Variants in GRIP1 observed in about 807,000 individuals in gnomAD.
GRIP1 encodes the protein glutamate receptor-interacting protein 1.
In GRIP1, 45 loss-of-function variants were observed where a neutral mutation model predicts 129.9. The observed-to-expected ratio is 0.35, with a 90% confidence interval of 0.27 to 0.44. The LOEUF is 0.44. Among genes scored for constraint, GRIP1 ranks in the 20% least tolerant of loss-of-function variants. The probability of loss-of-function intolerance (pLI) is 1.00; values close to 1 mark genes in which losing one functional copy is unlikely to be tolerated. For missense variants in GRIP1, 1,196 were observed against 1,396.8 expected (o/e 0.86, Z 2.29); for synonymous variants, 530 against 520.8 (o/e 1.02, Z -0.24).
rs763270862 is a variant in GRIP1 at position 66,678,900 on chromosome 12, A to G, written c.5T>C (p.Ile2Thr). 7.4e-6 allele frequency: 12 copies of G among 1,613,506 alleles called. No homozygotes were observed. The highest frequency in any genetic ancestry group is 1.0e-5 in the Non-Finnish European group (12 of 1,179,620). Residue 2 changes from isoleucine (I) to threonine (T), a missense_variant, in exon 1 of 25, where the codon ATA (isoleucine) becomes ACA (threonine). Physicochemically the swap from Ile to Thr is moderately conservative, Grantham distance 89. Coordinates refer to ENST00000359742, the MANE Select transcript of GRIP1 (RefSeq NM_001366722.1). The stretch of plus-strand genomic sequence containing the variant: ...ACAACGGCATTTAAAAGAGACAGCT[A>G]TCATTCTTGCTCACTGCTTTCTGTG... M[I>T]AVSFKCRCQI...
intron 20 of GRIP1, 28 bp from the exon 21 acceptor site, chr12:66,377,313 A>C (rs2137351336): frequency 7.2e-7 from 1 of 1,389,234 alleles, no homozygotes; most frequent in Non-Finnish European, 1.0e-6. Flanking sequence ...AGGCTGGGTT[A>C]GGAACTTGCC....
chr12:67,031,513 T>A (rs2043021974), intron 1 of GRIP1, among the ~76,000 whole-genome samples: 1 of 152,144 alleles, frequency 6.6e-6, no homozygotes, highest in South Asian at 2.1e-4. Flanking sequence ...ATATCTGTAA[T>A]CCTTATCACT....
intron 1 of GRIP1, among the ~76,000 whole-genome samples, chr12:66,601,464 C>A (rs1297683113): frequency 6.6e-6 from 1 of 152,160 alleles, no homozygotes; most frequent in Non-Finnish European, 1.5e-5. Context: ...ACTCTCATTT[C>A]TCACTCTGGG....
chr12:66,775,918 T>C (rs975202620), intron 1 of GRIP1, among the ~76,000 whole-genome samples: 7 of 152,168 alleles, frequency 4.6e-5, no homozygotes, highest in Admixed American at 2.0e-4. Flanking sequence ...TTAATATGCT[T>C]ATGTGCAAGG....
chr12:67,035,711 T>C (rs769721237), intron 1 of GRIP1: 4 of 152,140 alleles, frequency 2.6e-5, no homozygotes, highest in Non-Finnish European at 4.4e-5. Flanking sequence ...AGAGAGAGAA[T>C]AAATTAGATT....
chr12:66,941,135 A>G (rs914167495), intron 1 of GRIP1, among the ~76,000 whole-genome samples: 9 of 151,934 alleles, frequency 5.9e-5, no homozygotes, highest in Admixed American at 3.3e-4. Context: ...AACACGTTCA[A>G]TGAGACTGTA....
upstream of GRIP1, among the ~76,000 whole-genome samples, chr12:66,682,065 C>A (rs1044408284): frequency 5.9e-5 from 9 of 152,134 alleles, no homozygotes; most frequent in Non-Finnish European, 5.9e-5. Context: ...CAGGAAAGAA[C>A]CATAGCTTCT....
At chr12:66,720,108 G>C (rs2036015190) in intron 1 of GRIP1, among the ~76,000 whole-genome samples, 1 of 152,120 alleles carries the variant, frequency 6.6e-6, no homozygotes, top group African/African-American at 2.4e-5. Flanking sequence ...GCATACCTTG[G>C]AGATATTGCG....
chr12:67,027,188 C>T (rs117337836), intron 1 of GRIP1, among the ~76,000 whole-genome samples: 1 of 152,326 alleles, frequency 6.6e-6, no homozygotes, highest in East Asian at 1.9e-4. Flanking sequence ...CTTGCAGGGA[C>T]AGTAAAGCAA....
chr12:66,391,219 T>C lies in GRIP1; in HGVS notation c.2464+1089A>G, dbSNP rs142986757. On this transcript the variant is annotated intron_variant, in intron 19 of 24. Coordinates refer to ENST00000359742, the MANE Select transcript of GRIP1 (RefSeq NM_001366722.1). ...ACACCAATGTGTTCTCTAAACTGTTTATGTGTTTTATTATTTGACTGACTG... is the reference window on the plus strand; with the variant it reads ...ACACCAATGTGTTCTCTAAACTGTTCATGTGTTTTATTATTTGACTGACTG... Among the ~76,000 whole-genome samples, 334 of 152,304 alleles carry C rather than the reference T, an allele frequency of 2.2e-3. 3 individuals are homozygous for C. Among genetic ancestry groups the C allele is most frequent in the Non-Finnish European group, 4.0e-3 (275 of 68,024 alleles).
At chr12:66,376,270 A>G (rs2055779869) in intron 22 of GRIP1, among the ~76,000 whole-genome samples, 1 of 152,238 alleles carries the variant, frequency 6.6e-6, no homozygotes, top group African/African-American at 2.4e-5. Flanking sequence ...GCAAAATAAT[A>G]TAAAGATGAG....
At chr12:66,608,746 G>A (rs983971054) in intron 1 of GRIP1, among the ~76,000 whole-genome samples, 4 of 151,920 alleles carry the variant, frequency 2.6e-5, no homozygotes, top group Non-Finnish European at 5.9e-5. Context: ...GTTCAGTTTC[G>A]TCACCTATAA....
chr12:67,044,920 T>C (rs975142189), intron 1 of GRIP1, among the ~76,000 whole-genome samples: 1 of 152,196 alleles, frequency 6.6e-6, no homozygotes. Flanking sequence ...GTTTATTTAA[T>C]CCTCACAATA....
chr12:66,566,063 G>A (rs2062744762), intron 2 of GRIP1, among the ~76,000 whole-genome samples: 1 of 152,176 alleles, frequency 6.6e-6, no homozygotes, highest in Non-Finnish European at 1.5e-5. Flanking sequence ...CATGTCATCT[G>A]CAAACAGAGA....
chr12:67,016,963 A>G (rs2042797650), intron 1 of GRIP1, among the ~76,000 whole-genome samples: 2 of 152,162 alleles, frequency 1.3e-5, no homozygotes, highest in Admixed American at 1.3e-4. Context: ...TCTATAAGAC[A>G]TTTTTAATAA....
intron 1 of GRIP1, among the ~76,000 whole-genome samples, chr12:66,707,196 C>T (rs755001797): frequency 5.3e-5 from 8 of 151,618 alleles, no homozygotes; most frequent in Admixed American, 2.6e-4. Context: ...CTACTCTGTC[C>T]CCAAAGTCCA....
At chr12:66,382,997 G>C (rs1481536394) in intron 19 of GRIP1, among the ~76,000 whole-genome samples, 1 of 152,070 alleles carries the variant, frequency 6.6e-6, no homozygotes, top group Non-Finnish European at 1.5e-5. Context: ...AGTTGGAACT[G>C]TTGGGTAAGA....
intron 1 of GRIP1, among the ~76,000 whole-genome samples, chr12:66,636,306 T>C (rs995731777): frequency 2.0e-5 from 3 of 151,820 alleles, no homozygotes; most frequent in African/African-American, 7.3e-5. Context: ...CTTGAGATGA[T>C]GAAAAAAAGG....
At chr12:66,817,835 G>A (rs2136974449) in intron 1 of GRIP1, among the ~76,000 whole-genome samples, 1 of 152,150 alleles carries the variant, frequency 6.6e-6, no homozygotes, top group South Asian at 2.1e-4. Flanking sequence ...CCTAAGACAG[G>A]CATTGTTTTA....
Sources: gnomAD v4.1 joint callset for allele counts (sites outside exome capture counted in the v4.1 genomes callset) on GRCh38, gnomAD v4.1.1 for gene constraint, MANE v1.5 for transcripts, NCBI Gene and HGNC (gene_info 2026-07-23, HGNC 2026-07-21) for gene names.